Variants in MYO16 observed in about 807,000 individuals in gnomAD.
MYO16 encodes the protein myosin XVI.
A neutral mutation model predicts 205.3 loss-of-function variants in MYO16; 94 were observed. That is an observed-to-expected ratio of 0.46 (90% CI 0.39 to 0.54). MYO16 has a LOEUF of 0.54. Ranked by LOEUF, MYO16 falls within the 20% of genes least tolerant of loss-of-function variation. MYO16 has a pLI of 0.00. For missense variants in MYO16, 2,315 were observed against 2,387.5 expected (o/e 0.97, Z 0.63); for synonymous variants, 988 against 954.0 (o/e 1.04, Z -0.66).
chr13:108,541,765 C>T, the MYO16 span, among the ~76,000 whole-genome samples: 1 of 152,054 alleles, frequency 6.6e-6, no homozygotes, highest in East Asian at 1.9e-4. Context: ...CAATAAGATA[C>T]CATCTCTCAA....
chr13:108,909,853 T>C (rs931660925), intron 15 of MYO16, 150 bp from the exon 16 acceptor site: 73 of 825,488 alleles, frequency 8.8e-5, no homozygotes, highest in Non-Finnish European at 1.2e-4. Flanking sequence ...TCCTAGCTAA[T>C]GCAAAAAGAC....
intron 4 of MYO16, among the ~76,000 whole-genome samples, chr13:108,753,379 A>C (rs986345376): frequency 1.0e-5 from 1 of 99,616 alleles, no homozygotes; most frequent in South Asian, 4.0e-4. Context: ...ACAAAAAAAA[A>C]AAAAAAAAAA....
intron 2 of MYO16, among the ~76,000 whole-genome samples, chr13:108,710,142 C>T (rs1052115839): frequency 3.3e-5 from 5 of 152,112 alleles, no homozygotes; most frequent in Non-Finnish European, 7.3e-5. Flanking sequence ...CTGGAGCTCT[C>T]CCTTGCCAGC....
intron 23 of MYO16, among the ~76,000 whole-genome samples, chr13:109,024,638 G>A (rs1886302787): frequency 6.6e-6 from 1 of 152,086 alleles, no homozygotes; most frequent in African/African-American, 2.4e-5. Flanking sequence ...TTGGTGCACA[G>A]CCTAAACCCC....
chr13:108,774,252 G>A (rs755611781), intron 4 of MYO16, among the ~76,000 whole-genome samples: 1 of 152,268 alleles, frequency 6.6e-6, no homozygotes, highest in East Asian at 1.9e-4. Context: ...ACACCTCTTG[G>A]TTCATATGCC....
chr13:109,156,427 T>TA (rs1878036377), intron 32 of MYO16, among the ~76,000 whole-genome samples: 1 of 152,220 alleles, frequency 6.6e-6, no homozygotes, highest in African/African-American at 2.4e-5. Context: ...GAATGAGTTA[T>TA]AGCCAGTATG....
At chr13:109,036,704 G>T (rs893860095) in intron 23 of MYO16, among the ~76,000 whole-genome samples, 6 of 152,086 alleles carry the variant, frequency 3.9e-5, no homozygotes, top group African/African-American at 1.4e-4. Flanking sequence ...ATATTGAGTC[G>T]CATGAATATA....
intron 15 of MYO16, among the ~76,000 whole-genome samples, chr13:108,909,370 G>C (rs1178963392): frequency 6.6e-6 from 1 of 152,180 alleles, no homozygotes; most frequent in African/African-American, 2.4e-5. Flanking sequence ...AATAAAAGAA[G>C]ATGACTACAC....
At chr13:108,745,992 C>T (rs555274057) in intron 4 of MYO16, among the ~76,000 whole-genome samples, 1 of 152,032 alleles carries the variant, frequency 6.6e-6, no homozygotes, top group South Asian at 2.1e-4. Flanking sequence ...ACGAGACCAT[C>T]CTGGCTAACA....
chr13:108,963,206 C>G (rs1175150047), intron 19 of MYO16, among the ~76,000 whole-genome samples: 1 of 152,200 alleles, frequency 6.6e-6, no homozygotes, highest in African/African-American at 2.4e-5. Context: ...ATTGTGAGAA[C>G]TCACCATTCA....
At chr13:108,663,533 GA>G (rs1369062532) in intron 1 of MYO16, among the ~76,000 whole-genome samples, 4 of 152,078 alleles carry the variant, frequency 2.6e-5, no homozygotes, top group Non-Finnish European at 4.4e-5. Flanking sequence ...TTTGAGACAT[GA>G]ATGGACTTAA....
intron 10 of MYO16, among the ~76,000 whole-genome samples, chr13:108,848,607 C>T (rs1877646003): frequency 6.6e-6 from 1 of 151,998 alleles, no homozygotes; most frequent in African/African-American, 2.4e-5. Flanking sequence ...TCAAGACCAG[C>T]CCGGCAACAT....
chr13:108,587,402 G>A, the MYO16 span, among the ~76,000 whole-genome samples: 4,069 of 152,104 alleles, frequency 0.027, 175 homozygotes, highest in African/African-American at 0.091. Flanking sequence ...TATTTCAAAT[G>A]AACCATAAAC....
intron 27 of MYO16, among the ~76,000 whole-genome samples, chr13:109,066,817 C>A (rs1177673170): frequency 6.6e-6 from 1 of 152,110 alleles, no homozygotes; most frequent in Non-Finnish European, 1.5e-5. Context: ...GGCTCAAGGG[C>A]AACTAAACCT....
chr13:109,033,569 G>A (rs1440235685), intron 23 of MYO16, among the ~76,000 whole-genome samples: 2 of 152,120 alleles, frequency 1.3e-5, no homozygotes, highest in African/African-American at 2.4e-5. Context: ...GAAAATTATT[G>A]AGGTCCATCA....
At chr13:108,939,325 G>T (rs1044591898) in intron 16 of MYO16, among the ~76,000 whole-genome samples, 2 of 152,178 alleles carry the variant, frequency 1.3e-5, no homozygotes, top group Non-Finnish European at 2.9e-5. Context: ...CTCTGCCAGG[G>T]TTGCTGGGGT....
intron 22 of MYO16, among the ~76,000 whole-genome samples, chr13:109,011,498 C>CTTTTTTTT (rs34575828): frequency 2.8e-4 from 36 of 129,776 alleles, no homozygotes; most frequent in South Asian, 7.6e-4. Context: ...TTCTTCCTTT[C>CTTTTTTTT]TTTTTTTTTT....
rs187284485 is a variant in MYO16 at position 108,861,154 on chromosome 13, G to A, written c.1360-5023G>A. 2.9e-4 allele frequency among the ~76,000 whole-genome samples: 44 copies of A among 152,098 alleles called. 2 individuals are homozygous for A. The East Asian group carries it at 8.1e-3, about 28-fold the overall frequency. On this transcript the variant is annotated intron_variant, in intron 11 of 34. Coordinates refer to ENST00000457511, the MANE Select transcript of MYO16 (RefSeq NM_001198950.3). ...ACTTTTACTTCATGAACACACCCAC[G>A]TAACCTGCAGCTTCATAATGTAATA... is the stretch of plus-strand genomic sequence containing the variant.
chr13:109,158,843 G>A (rs1420560773), intron 32 of MYO16, among the ~76,000 whole-genome samples: 1 of 152,152 alleles, frequency 6.6e-6, no homozygotes. Context: ...AATGTTAACT[G>A]TTTGTACATT....
Sources: allele counts gnomAD v4.1 joint callset (sites outside exome capture counted in the v4.1 genomes callset), GRCh38; gene constraint gnomAD v4.1.1; transcripts MANE v1.5; gene names NCBI Gene and HGNC (gene_info 2026-07-23, HGNC 2026-07-21).